The following C1QTNF3 variants were observed in gnomAD, a reference collection of about 807,000 sequenced individuals.
C1QTNF3 encodes the protein C1q and TNF related 3.
C1QTNF3 carries 26 observed loss-of-function variants against 32.6 expected under a neutral mutation model. The observed-to-expected ratio is 0.80, with a 90% CI of 0.58 to 1.11. C1QTNF3 has a LOEUF of 1.11. C1QTNF3 is among the 50% of genes least tolerant of loss of function. C1QTNF3 has a pLI of 0.00. For synonymous variants in C1QTNF3, 155 were observed against 146.0 expected (o/e 1.06, Z -0.44); for missense variants, 362 against 398.2 (o/e 0.91, Z 0.77).
the C1QTNF3 span, among the ~76,000 whole-genome samples, chr5:34,115,530 A>G: frequency 1.3e-5 from 2 of 152,074 alleles, no homozygotes; most frequent in Non-Finnish European, 2.9e-5. Context: ...GGAGATCGAG[A>G]CCATCCTGGC....
chr5:34,142,398 C>T, the C1QTNF3 span, among the ~76,000 whole-genome samples: 2 of 150,246 alleles, frequency 1.3e-5, no homozygotes, highest in Non-Finnish European at 3.0e-5. Context: ...TGCCACTGCA[C>T]TCCAGCCTGG....
At chr5:34,172,202 T>G in the C1QTNF3 span, among the ~76,000 whole-genome samples, 2 of 152,170 alleles carry the variant, frequency 1.3e-5, no homozygotes, top group African/African-American at 4.8e-5. Flanking sequence ...TATGTATTTT[T>G]TTTCTATACA....
chr5:34,146,477 C>CAA, the C1QTNF3 span, among the ~76,000 whole-genome samples: 1 of 152,098 alleles, frequency 6.6e-6, no homozygotes, highest in African/African-American at 2.4e-5. Context: ...ACATGTAGAT[C>CAA]AATGGTACAG....
At chr5:34,029,308 T>C (rs964334786) in intron 3 of C1QTNF3, among the ~76,000 whole-genome samples, 1 of 152,084 alleles carries the variant, frequency 6.6e-6, no homozygotes, top group Non-Finnish European at 1.5e-5. Context: ...AATTTCTTTT[T>C]TTTTTTTTCT....
chr5:34,068,888 T>G, the C1QTNF3 span, among the ~76,000 whole-genome samples: 2 of 152,160 alleles, frequency 1.3e-5, no homozygotes, highest in Non-Finnish European at 2.9e-5. Flanking sequence ...ATTATTTGAT[T>G]AGTTATAGAT....
At chr5:34,177,913 A>T in the C1QTNF3 span, among the ~76,000 whole-genome samples, 1 of 151,966 alleles carries the variant, frequency 6.6e-6, no homozygotes, top group Non-Finnish European at 1.5e-5. Flanking sequence ...GTGAGCCACC[A>T]CACCCAGCAC....
chr5:34,070,845 G>A, the C1QTNF3 span, among the ~76,000 whole-genome samples: 1 of 151,982 alleles, frequency 6.6e-6, no homozygotes, highest in Admixed American at 6.6e-5. Context: ...TTTATTTTAG[G>A]CTAAAATGCG....
the C1QTNF3 span, among the ~76,000 whole-genome samples, chr5:34,227,654 T>C: frequency 2.0e-5 from 3 of 151,940 alleles, no homozygotes; most frequent in Non-Finnish European, 4.4e-5. Flanking sequence ...TATATTATAA[T>C]TTAAGAGAGG....
At chr5:34,174,834 G>T in the C1QTNF3 span, among the ~76,000 whole-genome samples, 2 of 151,974 alleles carry the variant, frequency 1.3e-5, no homozygotes, top group Admixed American at 6.6e-5. Context: ...CCAACTCCTG[G>T]GTTCATGCCA....
the C1QTNF3 span, among the ~76,000 whole-genome samples, chr5:34,058,404 G>A: frequency 1.3e-5 from 2 of 152,212 alleles, no homozygotes; most frequent in East Asian, 3.9e-4. Context: ...GCAAGATGGA[G>A]ACTTGTTTCA....
At chr5:34,198,568 CA>C in the C1QTNF3 span, among the ~76,000 whole-genome samples, 5 of 65,018 alleles carry the variant, frequency 7.7e-5, no homozygotes, top group South Asian at 2.8e-3. Context: ...TTAGTTCACT[CA>C]AAATTAAAAC....
chr5:34,155,735 A>G, the C1QTNF3 span, among the ~76,000 whole-genome samples: 2 of 152,188 alleles, frequency 1.3e-5, no homozygotes, highest in African/African-American at 4.8e-5. Context: ...TTTTCATTTA[A>G]TCAACAAATT....
chr5:34,089,682 A>C, the C1QTNF3 span, among the ~76,000 whole-genome samples: 1 of 152,206 alleles, frequency 6.6e-6, no homozygotes, highest in African/African-American at 2.4e-5. Context: ...GACTTACATA[A>C]AATAATATGA....
the C1QTNF3 span, among the ~76,000 whole-genome samples, chr5:34,050,141 A>G: frequency 6.6e-6 from 1 of 152,214 alleles, no homozygotes; most frequent in African/African-American, 2.4e-5. Context: ...AAGATAGGAT[A>G]AGCCTTTTTG....
chr5:34,061,431 T>G, the C1QTNF3 span, among the ~76,000 whole-genome samples: 8 of 152,206 alleles, frequency 5.3e-5, no homozygotes, highest in Non-Finnish European at 1.2e-4. Context: ...GGACTCTGTG[T>G]GAGTGCTCTG....
intron 1 of C1QTNF3, among the ~76,000 whole-genome samples, chr5:34,040,136 C>T (rs1281684464): frequency 6.6e-6 from 1 of 152,228 alleles, no homozygotes; most frequent in Admixed American, 6.5e-5. Flanking sequence ...CAGAAGTTTT[C>T]TCCTAGGTAA....
At chr5:34,039,269 G>A (rs56234141) in intron 1 of C1QTNF3, among the ~76,000 whole-genome samples, 9,357 of 152,150 alleles carry the variant, frequency 0.061, 1,019 homozygotes, top group African/African-American at 0.22. Flanking sequence ...GTATGCCAAC[G>A]TAAAAAAACC....
chr5:34,051,021 T>A, the C1QTNF3 span, among the ~76,000 whole-genome samples: 1 of 152,228 alleles, frequency 6.6e-6, no homozygotes, highest in Non-Finnish European at 1.5e-5. Context: ...AGGCATGGAC[T>A]TGACATTATA....
chr5:34,179,932 C>T, the C1QTNF3 span, among the ~76,000 whole-genome samples: 1 of 152,400 alleles, frequency 6.6e-6, no homozygotes, highest in African/African-American at 2.4e-5. Context: ...CACAGAAAAA[C>T]GGTGCAAGTG....
Sources: allele counts gnomAD v4.1 joint callset (sites outside exome capture counted in the v4.1 genomes callset), GRCh38; gene constraint gnomAD v4.1.1; transcripts MANE v1.5; gene names NCBI Gene and HGNC (gene_info 2026-07-23, HGNC 2026-07-21).